YTHDC2: variants seen among roughly 807,000 people sequenced by gnomAD.
The protein encoded by YTHDC2 is YTH N6-methyladenosine RNA binding protein C2.
A neutral mutation model predicts 174.9 loss-of-function variants in YTHDC2; 45 were observed. The observed-to-expected ratio is 0.26, with a 90% CI of 0.20 to 0.33. The LOEUF (loss-of-function observed/expected upper bound fraction) is 0.33. YTHDC2 is among the 10% of genes least tolerant of loss of function. The pLI, the probability that YTHDC2 is intolerant of heterozygous loss-of-function variation, is 1.00. For missense variants in YTHDC2, 1,650 were observed against 1,723.7 expected (o/e 0.96, Z 0.76); for synonymous variants, 657 against 574.5 (o/e 1.14, Z -2.05).
In YTHDC2 at chr5:113,594,349, A is replaced by G. The variant is rs1285377055; in HGVS notation, c.*875A>G. On this transcript the variant is annotated 3_prime_UTR_variant, in exon 30 of 30. Coordinates refer to ENST00000161863, the MANE Select transcript of YTHDC2 (RefSeq NM_022828.5). ...TTGAAACAAGTTCAAAATTTAAACA[A>G]GTTCATACAAGTTTTTAAAAATTCT... is the stretch of plus-strand genomic sequence containing the variant. 1.3e-5 allele frequency: 2 copies of G among 152,130 alleles called. No homozygotes were observed. The highest frequency in any genetic ancestry group is 4.8e-5 in the African/African-American group (2 of 41,408). The allele number at this position is 152,130 out of a possible 1,614,324, so 9.4% of individuals were successfully genotyped here. A position where few individuals can be genotyped will look rare whatever the true frequency, so the allele number is the denominator to read the frequency against.
In YTHDC2 at chr5:113,514,014, G is replaced by A. The variant is rs768369915; in HGVS notation, c.119G>A (p.Arg40His). 2 of 1,610,312 alleles carry A rather than the reference G, an allele frequency of 1.2e-6. No individual in the cohort carries two copies. Among genetic ancestry groups the A allele is most frequent in the Non-Finnish European group, 1.7e-6 (2 of 1,178,600 alleles). The change falls in exon 1 of 30, where the codon CGC (arginine) becomes CAC (histidine). Residue 40 changes from arginine to histidine, a missense_variant. Coordinates refer to ENST00000161863, the MANE Select transcript of YTHDC2 (RefSeq NM_022828.5). The part of the protein sequence containing the change: ...GGRAKGLKDI[R>H]IDEEVKIAVN... The stretch of plus-strand genomic sequence containing the variant: ...CGGGCCAAGGGGCTGAAGGACATTC[G>A]CATTGATGAGGAGGTGAAGATCGCA...
chr5:113,575,240 A>C (rs141153700), intron 23 of YTHDC2, among the ~76,000 whole-genome samples: 1 of 152,288 alleles, frequency 6.6e-6, no homozygotes, highest in Non-Finnish European at 1.5e-5. Flanking sequence ...AGACATCTTG[A>C]TGATTTCAAA....
At chr5:113,547,450 C>T (rs752305665) in intron 10 of YTHDC2, among the ~76,000 whole-genome samples, 8 of 152,062 alleles carry the variant, frequency 5.3e-5, no homozygotes, top group South Asian at 2.1e-4. Context: ...TGTCCAAATC[C>T]GTAAAATGCA....
At position 113,567,117 on chromosome 5, in the gene YTHDC2, T is replaced by A. The variant is rs757276118; in HGVS notation, c.2868T>A (p.Gly956=). 61 of 1,613,608 alleles carry A rather than the reference T, an allele frequency of 3.8e-5. No individual in the cohort carries two copies. In the South Asian group the frequency reaches 6.6e-4, roughly 17 times the overall value. Residue 956 remains glycine, a synonymous_variant, in exon 22 of 30, where the codon GGT becomes GGA. Transcript: ENST00000161863. ...GTTTTGTTAGAGCACGAGGTGGTGG[T>A]GACATTCGGGACGTTAACACAAACT... ...ASGFVRARGG[G]DIRDVNTNSE... is the part of the protein sequence containing the mutation.
chr5:113,555,944 G>T (rs1005038081), intron 16 of YTHDC2, 108 bp from the exon 17 acceptor site: 2 of 594,014 alleles, frequency 3.4e-6, no homozygotes, highest in Non-Finnish European at 5.9e-6. Context: ...AATCAAGAGA[G>T]GACTTTGAAT....
chr5:113,545,357 T>G (rs931223486), intron 10 of YTHDC2, among the ~76,000 whole-genome samples: 14 of 146,020 alleles, frequency 9.6e-5, no homozygotes, highest in African/African-American at 1.3e-4. Context: ...TCATTATTCT[T>G]TTTTGTTTTG....
intron 12 of YTHDC2, among the ~76,000 whole-genome samples, chr5:113,552,906 T>C (rs1256576619): frequency 6.6e-6 from 1 of 152,120 alleles, no homozygotes; most frequent in African/African-American, 2.4e-5. Context: ...ATTTCCCTGA[T>C]AGCTAATGAT....
chr5:113,551,775 A>G (rs796522306), intron 12 of YTHDC2, among the ~76,000 whole-genome samples: 2 of 152,196 alleles, frequency 1.3e-5, no homozygotes, highest in African/African-American at 2.4e-5. Context: ...ACAAGAGCCA[A>G]TTATTAAGTT....
rs552639136 is a variant in YTHDC2, at chr5:113,567,378, C to A, written c.3048+81C>A. The stretch of plus-strand genomic sequence containing the variant: ...CTATCAATGAAAAATGCTCCAAATA[C>A]CTGCCTGCTTTAAGAAATTAATTAG... On this transcript the variant is annotated intron_variant, in intron 22 of 29. Coordinates refer to ENST00000161863, the MANE Select transcript of YTHDC2 (RefSeq NM_022828.5). 4.2e-6 allele frequency: 4 copies of A among 944,226 alleles called. No homozygotes were observed. The East Asian group carries it at 8.8e-5, about 21-fold the overall frequency. 58.5% of individuals were successfully genotyped at this position (944,226 alleles called of 1,614,324 possible). A position where few individuals can be genotyped will look rare whatever the true frequency, so the allele number is the denominator to read the frequency against.
At chr5:113,568,806 A>G (rs1299315359) in intron 23 of YTHDC2, among the ~76,000 whole-genome samples, 5 of 152,162 alleles carry the variant, frequency 3.3e-5, no homozygotes, top group Non-Finnish European at 7.4e-5. Flanking sequence ...CCATGTCTTT[A>G]CTATTGTGAA....
chr5:113,514,197 C>T (rs1236502651), intron 1 of YTHDC2, 115 bp downstream of exon 1: 9 of 1,345,194 alleles, frequency 6.7e-6, no homozygotes, highest in African/African-American at 4.4e-5. Context: ...AGGGAAGACC[C>T]GGGCCACCGT....
At chr5:113,585,006 C>T (rs1190670311) in intron 26 of YTHDC2, among the ~76,000 whole-genome samples, 1 of 151,842 alleles carries the variant, frequency 6.6e-6, no homozygotes, top group Non-Finnish European at 1.5e-5. Context: ...GCCTCAAACT[C>T]CTGGGCTCAA....
chr5:113,533,827 A>T (rs755839166), intron 5 of YTHDC2, among the ~76,000 whole-genome samples: 2 of 152,130 alleles, frequency 1.3e-5, no homozygotes, highest in African/African-American at 2.4e-5. Flanking sequence ...TCATCAGAGG[A>T]TTCTGGATTT....
intron 25 of YTHDC2, 129 bp downstream of exon 25, chr5:113,581,838 A>G: frequency 1.3e-6 from 1 of 797,884 alleles, no homozygotes; most frequent in Non-Finnish European, 1.7e-6. Context: ...ATGAAAAGAT[A>G]GCAATAAAGT....
intron 25 of YTHDC2, chr5:113,583,482 A>T (rs568967206): frequency 6.6e-6 from 1 of 151,164 alleles, no homozygotes; most frequent in East Asian, 1.9e-4. Flanking sequence ...TTTATTTTTT[A>T]TTTATTTTTA....
intron 2 of YTHDC2, among the ~76,000 whole-genome samples, chr5:113,519,023 C>A (rs1014021917): frequency 2.0e-5 from 3 of 148,830 alleles, no homozygotes; most frequent in Non-Finnish European, 4.4e-5. Flanking sequence ...CATGCACCAC[C>A]ATGCCTGGCT....
chr5:113,531,061 C>T (rs1320498071), intron 4 of YTHDC2, among the ~76,000 whole-genome samples: 1 of 152,136 alleles, frequency 6.6e-6, no homozygotes, highest in Non-Finnish European at 1.5e-5. Context: ...TACCTTGGCT[C>T]CTTTGTAGGT....
At position 113,513,749 on chromosome 5, in the gene YTHDC2, G is replaced by T; in HGVS notation, c.-147G>T. 1.2e-6 allele frequency: 1 copy of T among 801,512 alleles called. No homozygotes were observed. The highest frequency in any genetic ancestry group is 1.9e-5 in the South Asian group (1 of 51,520). 49.7% of individuals were successfully genotyped at this position (801,512 alleles called of 1,614,324 possible). On this transcript the variant is annotated 5_prime_UTR_variant, in exon 1 of 30. An upstream open reading frame in the 5' UTR loses its in-frame stop. Coordinates refer to ENST00000161863, the MANE Select transcript of YTHDC2 (RefSeq NM_022828.5). ...CAGGCTTCACTTCTGCTGTGGCGGT[G>T]ACTGAGGCCTTTCTGGTGACCTCAG... is the stretch of plus-strand genomic sequence containing the variant.
intron 12 of YTHDC2, among the ~76,000 whole-genome samples, chr5:113,551,492 T>C (rs1405672798): frequency 6.6e-6 from 1 of 152,156 alleles, no homozygotes; most frequent in African/African-American, 2.4e-5. Flanking sequence ...TTCATTTATG[T>C]GTTAAAAATT....
Sources: gnomAD v4.1 joint callset for allele counts (sites outside exome capture counted in the v4.1 genomes callset) on GRCh38, gnomAD v4.1.1 for gene constraint, MANE v1.5 for transcripts, NCBI Gene and HGNC (gene_info 2026-07-23, HGNC 2026-07-21) for gene names.